ACAD10: variants seen among roughly 807,000 people sequenced by gnomAD.
ACAD10 encodes acyl-CoA dehydrogenase family member 10.
ACAD10 carries 112 observed loss-of-function variants against 116.8 expected under a neutral mutation model. The ratio of observed to expected loss-of-function variants is 0.96; its 90% CI spans 0.82 to 1.12. ACAD10 has a LOEUF of 1.12. ACAD10 is among the 50% of genes most tolerant of loss of function. The pLI is 0.00. For synonymous variants in ACAD10, 486 were observed against 510.6 expected, an observed-to-expected ratio of 0.95 and a Z score of 0.65; for missense variants, 1,259 against 1,350.2, an observed-to-expected ratio of 0.93 and a Z score of 1.06.
chr12:111,709,485 C>T, intron 4 of ACAD10, 41 bp from the exon 5 acceptor site: 2 of 1,479,508 alleles, frequency 1.4e-6, no homozygotes, highest in Non-Finnish European at 1.8e-6. Context: ...GGGAGCTCCA[C>T]CTTTCGGGAC....
chr12:111,693,758 C>T (rs796924490), intron 2 of ACAD10, among the ~76,000 whole-genome samples: 1 of 152,234 alleles, frequency 6.6e-6, no homozygotes, highest in East Asian at 1.9e-4. Flanking sequence ...TTCTTTTCTA[C>T]TCAGTTCAGT....
intron 5 of ACAD10, chr12:111,710,466 C>T: frequency 7.9e-6 from 2 of 253,816 alleles, no homozygotes; most frequent in South Asian, 3.3e-5. Flanking sequence ...ACATAATCTT[C>T]TTTCTTCTTG....
At chr12:111,708,282 C>G (rs1275352894) in intron 4 of ACAD10, among the ~76,000 whole-genome samples, 2 of 152,084 alleles carry the variant, frequency 1.3e-5, no homozygotes, top group East Asian at 3.9e-4. Context: ...TGTAATTCAC[C>G]TAGTGAGAGG....
chr12:111,719,770 C>T (rs1240232180), intron 7 of ACAD10, among the ~76,000 whole-genome samples: 1 of 152,038 alleles, frequency 6.6e-6, no homozygotes, highest in African/African-American at 2.4e-5. Flanking sequence ...CTCTGTTGCC[C>T]AGGCTGGAGC....
At chr12:111,703,905 T>TTATA (rs145548072) in intron 3 of ACAD10, among the ~76,000 whole-genome samples, 1,563 of 145,504 alleles carry the variant, frequency 0.011, 25 homozygotes, top group African/African-American at 0.035. Flanking sequence ...TTTCCACAAT[T>TTATA]TATATATATA....
Position 111,756,065 on chromosome 12 carries a change from G to C in ACAD10, c.3040-268G>C, listed in dbSNP as rs947657692. On this transcript the variant is annotated intron_variant, in intron 20 of 20. Coordinates refer to ENST00000313698, the MANE Select transcript of ACAD10 (RefSeq NM_025247.6). Reference sequence around the variant, plus strand: ...CAGAGCCCAGGCTCTTTCCCATGCAGGGGGGCCGCCTCCTTAGATCCTAAC... The same window carrying C: ...CAGAGCCCAGGCTCTTTCCCATGCACGGGGGCCGCCTCCTTAGATCCTAAC... The C allele has an allele frequency of 4.1e-6, 5 of 1,223,114 alleles. No homozygotes were observed. In the South Asian group the frequency reaches 8.2e-5, roughly 20 times the overall value. The allele number at this position is 1,223,114 out of a possible 1,614,324, so 75.8% of individuals were successfully genotyped here.
chr12:111,737,286 G>A (rs953524886), intron 12 of ACAD10, among the ~76,000 whole-genome samples: 1 of 152,048 alleles, frequency 6.6e-6, no homozygotes, highest in Non-Finnish European at 1.5e-5. Context: ...GGGTTCAAGC[G>A]ATTCTCCTGC....
At chr12:111,715,568 A>T (rs1027038932) in intron 6 of ACAD10, 5 of 443,422 alleles carry the variant, frequency 1.1e-5, no homozygotes, top group African/African-American at 9.7e-5. Context: ...GCACAAACTG[A>T]GAAAATTACT....
At chr12:111,704,431 C>T (rs910049765) in intron 3 of ACAD10, among the ~76,000 whole-genome samples, 3 of 152,172 alleles carry the variant, frequency 2.0e-5, no homozygotes, top group South Asian at 4.2e-4. Context: ...TGAGCCACCA[C>T]GCCTGGCTGG....
At chr12:111,707,829 C>T (rs1294704391) in intron 4 of ACAD10, among the ~76,000 whole-genome samples, 1 of 152,194 alleles carries the variant, frequency 6.6e-6, no homozygotes, top group African/African-American at 2.4e-5. Context: ...TCTGCCTACA[C>T]ATCACATGAC....
intron 7 of ACAD10, among the ~76,000 whole-genome samples, chr12:111,719,151 A>G (rs1376867139): frequency 1.3e-5 from 2 of 152,146 alleles, no homozygotes; most frequent in Non-Finnish European, 2.9e-5. Context: ...AAAGAAGTGC[A>G]TTGTTTAATT....
intron 18 of ACAD10, chr12:111,753,315 T>C (rs1452985072): frequency 2.8e-5 from 10 of 360,146 alleles, no homozygotes; most frequent in Non-Finnish European, 4.9e-5. Flanking sequence ...GGGACCTTGC[T>C]CCCATTGGAG....
intron 6 of ACAD10, among the ~76,000 whole-genome samples, chr12:111,715,061 GA>G (rs1347225293): frequency 1.3e-5 from 2 of 152,134 alleles, no homozygotes; most frequent in Admixed American, 6.6e-5. Context: ...CTTGCTCCGT[GA>G]AAAAGGCTTT....
chr12:111,729,654 G>A (rs983944409), intron 9 of ACAD10, 152 bp from the exon 10 acceptor site: 6 of 906,218 alleles, frequency 6.6e-6, no homozygotes, highest in Non-Finnish European at 9.8e-6. Context: ...GGAGCATCAT[G>A]TGGGAAATTC....
intron 2 of ACAD10, among the ~76,000 whole-genome samples, chr12:111,701,030 A>G (rs1888335035): frequency 6.6e-6 from 1 of 152,044 alleles, no homozygotes; most frequent in Admixed American, 6.6e-5. Flanking sequence ...AAGTGCCGGG[A>G]TTATAGGTGT....
intron 1 of ACAD10, among the ~76,000 whole-genome samples, chr12:111,690,220 T>G (rs1308624356): frequency 6.6e-6 from 1 of 152,172 alleles, no homozygotes; most frequent in Admixed American, 6.6e-5. Flanking sequence ...TTGATATATC[T>G]GCGTATATAT....
rs767062149 is a variant in ACAD10, at chr12:111,748,336, C to T, written c.2505C>T (p.Cys835=). ...TGGCAGGCATCCTGGATCCTCGTTG[C>T]CAACTCTGTGTGTTTATGGGAAAAA... ...WWITGILDPR[C]QLCVFMGKTD... The change falls in exon 17 of 21, where the codon TGC becomes TGT. Residue 835 remains cysteine (C), a synonymous_variant. Coordinates refer to ENST00000313698, the MANE Select transcript of ACAD10 (RefSeq NM_025247.6). 3.1e-6 allele frequency: 5 copies of T among 1,614,020 alleles called. No individual in the cohort carries two copies. The Admixed American group carries it at 8.3e-5, about 27-fold the overall frequency.
chr12:111,748,184 A>C (rs1889969823), intron 16 of ACAD10, 133 bp from the exon 17 acceptor site: 1 of 1,138,190 alleles, frequency 8.8e-7, no homozygotes, highest in African/African-American at 1.5e-5. Context: ...GCAGATGCTC[A>C]TCTGATTACA....
In ACAD10 at chr12:111,745,031, C is replaced by A. The variant is rs764578199; in HGVS notation, c.2103C>A (p.Ile701=). The A allele has an allele frequency of 6.2e-7, 1 of 1,612,990 alleles. No homozygotes were observed. The highest frequency in any genetic ancestry group is 8.5e-7 in the Non-Finnish European group (1 of 1,179,846). ...CCAGGTGGAGCCCCTCCCCACTGAT[C>A]GAAGACCTCAAGGTAAAGCAGCCAT... ...SAARWSPSPL[I]EDLKEKAKAE... Residue 701 remains isoleucine, a synonymous_variant, in exon 13 of 21, where the codon ATC becomes ATA. Coordinates refer to ENST00000313698, the MANE Select transcript of ACAD10 (RefSeq NM_025247.6).
Sources: allele counts gnomAD v4.1 joint callset (sites outside exome capture counted in the v4.1 genomes callset), GRCh38; gene constraint gnomAD v4.1.1; transcripts MANE v1.5; gene names NCBI Gene and HGNC (gene_info 2026-07-23, HGNC 2026-07-21).